The following PRKCA variants were observed in gnomAD, a reference collection of about 807,000 sequenced individuals.
PRKCA encodes the protein protein kinase C alpha.
In PRKCA, 27 loss-of-function variants were observed where a neutral mutation model predicts 87.0. The ratio of observed to expected loss-of-function variants is 0.31; its 90% CI spans 0.23 to 0.43. The LOEUF (loss-of-function observed/expected upper bound fraction) is 0.43, where lower values mean the gene tolerates loss of function less well. Among genes scored for constraint, PRKCA ranks in the 20% least tolerant of loss-of-function variants. PRKCA has a pLI of 1.00. For missense variants in PRKCA, 518 were observed against 852.3 expected (o/e 0.61, Z 4.88); for synonymous variants, 329 against 311.1 (o/e 1.06, Z -0.61).
intron 3 of PRKCA, among the ~76,000 whole-genome samples, chr17:66,586,745 A>G (rs1969609654): frequency 6.6e-6 from 1 of 152,162 alleles, no homozygotes; most frequent in East Asian, 1.9e-4. Context: ...AGTTGTATAT[A>G]CTCCAGTGAA....
At chr17:66,706,215 C>T (rs1366819931) in intron 8 of PRKCA, among the ~76,000 whole-genome samples, 1 of 152,162 alleles carries the variant, frequency 6.6e-6, no homozygotes, top group Non-Finnish European at 1.5e-5. Flanking sequence ...AATTCAGTCT[C>T]CTGTGGTCGT....
At chr17:66,765,434 A>ATATATATATATATC (rs1974784388) in intron 13 of PRKCA, among the ~76,000 whole-genome samples, 1 of 132,140 alleles carries the variant, frequency 7.6e-6, no homozygotes, top group Admixed American at 7.6e-5. Context: ...ATATATATAT[A>ATATATATATATATC]TATATATATA....
intron 2 of PRKCA, among the ~76,000 whole-genome samples, chr17:66,456,408 G>T (rs1028847684): frequency 1.3e-5 from 2 of 152,110 alleles, no homozygotes; most frequent in African/African-American, 4.8e-5. Flanking sequence ...TTTAAGAGCC[G>T]TAAGTGGCCT....
intron 2 of PRKCA, among the ~76,000 whole-genome samples, chr17:66,477,191 A>G (rs1219677947): frequency 6.6e-6 from 1 of 152,212 alleles, no homozygotes; most frequent in Non-Finnish European, 1.5e-5. Flanking sequence ...TTAGACCAGA[A>G]CATTTAGCAC....
At chr17:66,463,371 C>T (rs1379446503) in intron 2 of PRKCA, among the ~76,000 whole-genome samples, 1 of 149,766 alleles carries the variant, frequency 6.7e-6, no homozygotes, top group Non-Finnish European at 1.5e-5. Context: ...AATTCTTAGC[C>T]TTGATTCTGT....
intron 5 of PRKCA, among the ~76,000 whole-genome samples, chr17:66,667,312 A>G (rs937686062): frequency 6.6e-6 from 1 of 152,196 alleles, no homozygotes; most frequent in Non-Finnish European, 1.5e-5. Context: ...CCGTTCTTAC[A>G]CTGCTAATAA....
intron 3 of PRKCA, among the ~76,000 whole-genome samples, chr17:66,612,672 A>G (rs575244466): frequency 6.6e-5 from 10 of 151,540 alleles, no homozygotes; most frequent in East Asian, 1.9e-4. Flanking sequence ...TTCTCATACT[A>G]TATAAATTAG....
At chr17:66,510,960 T>C (rs765690025) in intron 3 of PRKCA, among the ~76,000 whole-genome samples, 27 of 152,160 alleles carry the variant, frequency 1.8e-4, no homozygotes, top group Non-Finnish European at 3.7e-4. Context: ...TTGCCCAGGC[T>C]GGTCTCGAAC....
intron 5 of PRKCA, among the ~76,000 whole-genome samples, chr17:66,654,484 C>T (rs28532289): frequency 1.2e-4 from 19 of 152,212 alleles, no homozygotes; most frequent in Middle Eastern, 3.4e-3. Context: ...GTAGAGCTCC[C>T]GCAGCCTGCC....
intron 13 of PRKCA, 121 bp from the exon 14 acceptor site, chr17:66,773,866 A>G: frequency 1.3e-6 from 2 of 1,487,160 alleles, no homozygotes; most frequent in Admixed American, 3.6e-5. Context: ...CATCAAAGAC[A>G]GATCTTAGCA....
At position 66,591,928 on chromosome 17, in the gene PRKCA, T is replaced by G. The variant is rs1461665698; in HGVS notation, c.289-49427T>G. ...TTTGCTCTTAGATGATCTTTGTGCA[T>G]CCAGGGGTTCTAGAACGTTAGACCC... On this transcript the variant is annotated intron_variant, in intron 3 of 16. Transcript: ENST00000413366. 1.2e-4 allele frequency among the ~76,000 whole-genome samples: 19 copies of G among 152,166 alleles called. 1 individual carries two copies. Among genetic ancestry groups the G allele is most frequent in the Non-Finnish European group, 2.2e-4 (15 of 68,030 alleles).
At chr17:66,708,698 A>C (rs555280627) in intron 8 of PRKCA, among the ~76,000 whole-genome samples, 4 of 152,126 alleles carry the variant, frequency 2.6e-5, no homozygotes, top group Admixed American at 6.5e-5. Flanking sequence ...CCAGCTACTC[A>C]ATACAGAGTA....
intron 2 of PRKCA, among the ~76,000 whole-genome samples, chr17:66,312,536 A>G (rs1477360211): frequency 1.3e-5 from 2 of 152,114 alleles, no homozygotes; most frequent in Non-Finnish European, 2.9e-5. Context: ...CTTCAGACTT[A>G]CCTACAATGC....
chr17:66,479,549 G>T (rs1467386088), intron 2 of PRKCA, among the ~76,000 whole-genome samples: 1 of 152,094 alleles, frequency 6.6e-6, no homozygotes, highest in East Asian at 1.9e-4. Context: ...AAAGACACAT[G>T]CACACATATG....
intron 5 of PRKCA, among the ~76,000 whole-genome samples, chr17:66,649,460 TGAA>T (rs1971536079): frequency 6.6e-6 from 1 of 152,192 alleles, no homozygotes; most frequent in Admixed American, 6.5e-5. Context: ...ACCAATCCCA[TGAA>T]GTAAATACTA....
intron 2 of PRKCA, among the ~76,000 whole-genome samples, chr17:66,434,932 A>T (rs1913294525): frequency 6.6e-6 from 1 of 152,012 alleles, no homozygotes; most frequent in Non-Finnish European, 1.5e-5. Context: ...AACTATCACC[A>T]CTCATGAAAT....
intron 2 of PRKCA, among the ~76,000 whole-genome samples, chr17:66,471,327 A>C (rs182973530): frequency 6.6e-6 from 1 of 152,324 alleles, no homozygotes; most frequent in East Asian, 1.9e-4. Context: ...GCAACTGACA[A>C]CTTGTACTTC....
At chr17:66,463,356 G>A (rs1329554525) in intron 2 of PRKCA, among the ~76,000 whole-genome samples, 1 of 151,318 alleles carries the variant, frequency 6.6e-6, no homozygotes, top group African/African-American at 2.4e-5. Flanking sequence ...GATTTTGTAT[G>A]GTGAAATTCT....
intron 2 of PRKCA, among the ~76,000 whole-genome samples, chr17:66,401,847 T>A (rs1332088776): frequency 1.3e-5 from 2 of 152,180 alleles, no homozygotes; most frequent in Non-Finnish European, 2.9e-5. Context: ...ACAGGATCAA[T>A]TCCCTTTTGG....
Sources: gnomAD v4.1 joint callset for allele counts (sites outside exome capture counted in the v4.1 genomes callset) on GRCh38, gnomAD v4.1.1 for gene constraint, MANE v1.5 for transcripts, NCBI Gene and HGNC (gene_info 2026-07-23, HGNC 2026-07-21) for gene names.